The following PCNX2 variants were observed in gnomAD, a reference collection of about 807,000 sequenced individuals.
PCNX2 encodes pecanex 2, also known as pecanex-like protein 2.
In PCNX2, 168 loss-of-function variants were observed where a neutral mutation model predicts 223.8. That is an observed-to-expected ratio of 0.75 (90% CI 0.66 to 0.85). PCNX2 has a LOEUF of 0.85. Among genes scored for constraint, PCNX2 ranks in the 40% least tolerant of loss-of-function variants. The pLI is 0.00. For missense variants in PCNX2, 2,507 were observed against 2,675.5 expected (o/e 0.94, Z 1.39); for synonymous variants, 1,006 against 1,052.6 (o/e 0.96, Z 0.86).
chr1:233,112,325 G>A (rs1675161004), intron 21 of PCNX2, among the ~76,000 whole-genome samples: 1 of 152,140 alleles, frequency 6.6e-6, no homozygotes, highest in Non-Finnish European at 1.5e-5. Flanking sequence ...CTTCCCTGGC[G>A]CTTCACCAGA....
chr1:233,167,608 T>C (rs1199327554), intron 17 of PCNX2: 1 of 480,292 alleles, frequency 2.1e-6, no homozygotes, highest in Non-Finnish European at 2.7e-6. Context: ...AGATGATGGA[T>C]ATGTTAACTT....
At chr1:233,224,693 T>G (rs1311018405) in intron 10 of PCNX2, among the ~76,000 whole-genome samples, 1 of 152,160 alleles carries the variant, frequency 6.6e-6, no homozygotes, top group African/African-American at 2.4e-5. Context: ...CCTTCCTCAC[T>G]GTGAGCTGTG....
intron 10 of PCNX2, among the ~76,000 whole-genome samples, chr1:233,218,654 G>A (rs1447794511): frequency 6.6e-6 from 1 of 152,064 alleles, no homozygotes. Context: ...TGAGATTTTA[G>A]GGTTTCTTTC....
chr1:233,120,991 A>C (rs1009060759), intron 21 of PCNX2, among the ~76,000 whole-genome samples: 13 of 152,100 alleles, frequency 8.5e-5, no homozygotes, highest in African/African-American at 3.1e-4. Context: ...CCCTATATGA[A>C]GTCAATAAAC....
chr1:233,113,939 C>T (rs1675263250), intron 21 of PCNX2, among the ~76,000 whole-genome samples: 1 of 152,222 alleles, frequency 6.6e-6, no homozygotes, highest in Non-Finnish European at 1.5e-5. Flanking sequence ...CAATATTCAA[C>T]ATTCCGGAGT....
chr1:233,254,702 CTT>C (rs565430023), intron 5 of PCNX2, among the ~76,000 whole-genome samples: 15 of 141,876 alleles, frequency 1.1e-4, no homozygotes, highest in Admixed American at 1.4e-4. Flanking sequence ...GATATACGCA[CTT>C]TTTTTTTTTT....
At chr1:233,278,076 C>T (rs925428673) in intron 1 of PCNX2, among the ~76,000 whole-genome samples, 2 of 152,230 alleles carry the variant, frequency 1.3e-5, no homozygotes, top group Non-Finnish European at 2.9e-5. Flanking sequence ...CACTCATAGA[C>T]AGTTATCACA....
chr1:233,054,573 G>C lies in PCNX2; in HGVS notation c.4136-90C>G, dbSNP rs1171895985. 5 of 1,020,250 alleles carry C rather than the reference G, an allele frequency of 4.9e-6. No homozygotes were observed. The East Asian group carries it at 1.3e-4, about 26-fold the overall frequency. 63.2% of individuals were successfully genotyped at this position (1,020,250 alleles called of 1,614,324 possible). A position where few individuals can be genotyped will look rare whatever the true frequency, so the allele number is the denominator to read the frequency against. On this transcript the variant is annotated intron_variant, in intron 24 of 33. Coordinates refer to ENST00000258229, the MANE Select transcript of PCNX2 (RefSeq NM_014801.4). ...AACAGTGAGTTGTCATCTGATTAAG[G>C]GTAAAATCAGACTCTTTATATACAT...
chr1:233,015,930 T>C (rs541200189), intron 27 of PCNX2, among the ~76,000 whole-genome samples: 137 of 149,502 alleles, frequency 9.2e-4, no homozygotes, highest in African/African-American at 3.2e-3. Flanking sequence ...AGTGGGGAGA[T>C]GCAGAGGAAA....
In PCNX2 at chr1:233,226,247, G is replaced by A. The variant is rs369835548; in HGVS notation, c.2504+979C>T. 1.3e-3 allele frequency among the ~76,000 whole-genome samples: 203 copies of A among 152,216 alleles called. 3 individuals carry two copies. The South Asian group carries it at 0.04, about 30-fold the overall frequency. On this transcript the variant is annotated intron_variant, in intron 10 of 33. Transcript: ENST00000258229. Reference sequence around the variant, plus strand: ...ACAAATGAGAAGCCCCCACTCCTTAGGCCCATCTCCATCATGTTTTCTTTT... The same window carrying A: ...ACAAATGAGAAGCCCCCACTCCTTAAGCCCATCTCCATCATGTTTTCTTTT...
At chr1:233,152,558 C>T (rs2102804575) in intron 19 of PCNX2, among the ~76,000 whole-genome samples, 1 of 152,294 alleles carries the variant, frequency 6.6e-6, no homozygotes, top group South Asian at 2.1e-4. Context: ...TTAACTAACA[C>T]TAGATACATT....
intron 1 of PCNX2, among the ~76,000 whole-genome samples, chr1:233,266,323 CAT>C (rs1409879519): frequency 1.3e-5 from 2 of 152,152 alleles, no homozygotes; most frequent in Non-Finnish European, 2.9e-5. Flanking sequence ...GCCTAGACAA[CAT>C]AGAGAGACCC....
rs781185374 is a variant in PCNX2 at position 233,014,681 on chromosome 1, G to C, written c.4936C>G (p.His1646Asp). The part of the protein sequence containing the change: ...LGRRALGTAA[H>D]NMAISLDSFL... ...CCCAGGTACCTGATGGCCATATTGT[G>C]AGCGGCTGTTCCCAGAGCTCTCCTC... is the stretch of plus-strand genomic sequence containing the variant. The change falls in exon 28 of 34, where the codon CAC becomes GAC. Residue 1646 changes from histidine to aspartate, a missense_variant. Coordinates refer to ENST00000258229, the MANE Select transcript of PCNX2 (RefSeq NM_014801.4). 19 of 1,613,796 alleles carry C rather than the reference G, an allele frequency of 1.2e-5. No individual in the cohort carries two copies. Among genetic ancestry groups the C allele is most frequent in the Non-Finnish European group, 1.5e-5 (18 of 1,179,832 alleles).
chr1:233,245,190 C>T (rs1240812659), intron 8 of PCNX2, among the ~76,000 whole-genome samples: 1 of 152,192 alleles, frequency 6.6e-6, no homozygotes, highest in Non-Finnish European at 1.5e-5. Context: ...TATTGAGCAC[C>T]TACCTATAAA....
rs1443315151 is a variant in PCNX2, at chr1:232,990,777, T to C, written c.5792-4237A>G. Among the ~76,000 whole-genome samples the C allele has an allele frequency of 6.6e-6, 1 of 152,180 alleles. No homozygotes were observed. The highest frequency in any genetic ancestry group is 1.9e-4 in the East Asian group (1 of 5,180). On this transcript the variant is annotated intron_variant, in intron 32 of 33. Coordinates refer to ENST00000258229, the MANE Select transcript of PCNX2 (RefSeq NM_014801.4). This position sits in a 1 kb window ranked among gnomAD's most constrained non-coding sequence, Gnocchi z 4.3. ...TCCCACCCACTCCTGCTTGGCCGTG[T>C]GCTGGGTTCCCAGGACTCCAGAACT...
rs1669381605 is a variant in PCNX2, at chr1:232,984,321, C to T, written c.6397G>A (p.Val2133Met). ...GLDDTASQQS[V>M]SDEQ ...CACGCCCGTCACTGCTCGTCTGACA[C>T]ACTTTGCTGCGAGGCCGTGTCGTCC... is the stretch of plus-strand genomic sequence containing the variant. The change falls in exon 34 of 34, where the codon GTG (valine) becomes ATG (methionine). Residue 2133 changes from valine (V) to methionine (M), a missense_variant. Physicochemically the swap from Val to Met is conservative, Grantham distance 21 (BLOSUM62 1). Coordinates refer to ENST00000258229, the MANE Select transcript of PCNX2 (RefSeq NM_014801.4). 1 of 1,608,310 alleles carries T rather than the reference C, an allele frequency of 6.2e-7. No individual in the cohort carries two copies. The highest frequency in any genetic ancestry group is 1.1e-5 in the South Asian group (1 of 90,392).
chr1:233,058,853 C>T (rs1004139462), intron 23 of PCNX2, among the ~76,000 whole-genome samples: 12 of 151,896 alleles, frequency 7.9e-5, no homozygotes, highest in East Asian at 3.9e-4. Flanking sequence ...TTAGTAGAGA[C>T]GGGGTTTTAC....
In PCNX2 at chr1:233,139,827, T is replaced by A; in HGVS notation, c.3546A>T (p.Arg1182Ser). The A allele has an allele frequency of 6.2e-7, 1 of 1,613,028 alleles. No homozygotes were observed. Among genetic ancestry groups the A allele is most frequent in the East Asian group, 2.2e-5 (1 of 44,854 alleles). ...RDVAHLMWFERLYVWLQCFEK... is the reference protein window; with the variant it reads ...RDVAHLMWFESLYVWLQCFEK... ...CAAAACACTGAAGCCAAACATAGAG[T>A]CTTTCGAACCACATTAAATGGGCAA... is the stretch of plus-strand genomic sequence containing the variant. Residue 1182 changes from arginine (R) to serine (S), a missense_variant, in exon 20 of 34, where the codon AGA becomes AGT. By Grantham distance (110) the Arg-to-Ser change is moderately radical (BLOSUM62 -1). Coordinates refer to ENST00000258229, the MANE Select transcript of PCNX2 (RefSeq NM_014801.4). This position sits in a 1 kb window ranked among gnomAD's most constrained non-coding sequence, Gnocchi z 4.4.
intron 32 of PCNX2, among the ~76,000 whole-genome samples, chr1:232,995,245 A>C (rs949583416): frequency 3.3e-5 from 5 of 152,084 alleles, no homozygotes; most frequent in Non-Finnish European, 5.9e-5. Context: ...GGGCTTCATA[A>C]ATCTCCCCAA....
Sources: gnomAD v4.1 joint callset for allele counts (sites outside exome capture counted in the v4.1 genomes callset) on GRCh38, gnomAD v4.1.1 for gene constraint, Gnocchi (gnomAD v3.1) non-coding constraint, MANE v1.5 for transcripts, NCBI Gene and HGNC (gene_info 2026-07-23, HGNC 2026-07-21) for gene names.